The following C2CD3 variants were observed in gnomAD, a reference collection of about 807,000 sequenced individuals.
C2CD3 encodes the protein C2 domain containing 3 centriole elongation regulator.
In C2CD3, 148 loss-of-function variants were observed where a neutral mutation model predicts 234.0. The ratio of observed to expected loss-of-function variants is 0.63; its 90% CI spans 0.55 to 0.72. C2CD3 has a LOEUF of 0.72. Ranked by LOEUF, C2CD3 falls within the 30% of genes least tolerant of loss-of-function variation. C2CD3 has a pLI of 0.00. For missense variants in C2CD3, 2,577 were observed against 2,811.5 expected (o/e 0.92, Z 1.89); for synonymous variants, 1,000 against 1,035.4 (o/e 0.97, Z 0.66).
chr11:74,032,708 A>C (rs1277173132), intron 31 of C2CD3, among the ~76,000 whole-genome samples: 2 of 151,846 alleles, frequency 1.3e-5, no homozygotes, highest in African/African-American at 4.8e-5. Context: ...CCCAACTCTT[A>C]AAAAAAATTA....
At chr11:74,150,780 T>A (rs1298216821) in intron 3 of C2CD3, among the ~76,000 whole-genome samples, 1 of 152,074 alleles carries the variant, frequency 6.6e-6, no homozygotes, top group Non-Finnish European at 1.5e-5. Context: ...TTATCACATT[T>A]AAAAAATTAA....
At chr11:74,026,919 C>T (rs903733821) in intron 32 of C2CD3, among the ~76,000 whole-genome samples, 55 of 137,544 alleles carry the variant, frequency 4.0e-4, no homozygotes, top group African/African-American at 1.5e-3. Context: ...TGCAGTGAGC[C>T]GAGATCACAC....
At chr11:74,165,984 C>T (rs1040022554) in intron 2 of C2CD3, among the ~76,000 whole-genome samples, 1 of 152,214 alleles carries the variant, frequency 6.6e-6, no homozygotes, top group Non-Finnish European at 1.5e-5. Flanking sequence ...TGAGCCACCA[C>T]GTTCAGCCTC....
intron 29 of C2CD3, among the ~76,000 whole-genome samples, chr11:74,039,487 A>G (rs958365360): frequency 2.0e-5 from 3 of 152,210 alleles, no homozygotes; most frequent in Non-Finnish European, 2.9e-5. Context: ...TTAGAAATGC[A>G]GAGTCTCAGG....
Position 74,092,468 on chromosome 11 carries a change from G to C in C2CD3, c.3465C>G (p.Leu1155=), listed in dbSNP as rs751806200. 7.4e-6 allele frequency: 12 copies of C among 1,613,742 alleles called. No individual in the cohort carries two copies. The African/African-American group carries it at 1.2e-4, about 16-fold the overall frequency. Residue 1155 remains leucine, a synonymous_variant, in exon 19 of 33, where the codon CTC becomes CTG. Transcript: ENST00000334126. The part of the protein sequence containing the change: ...REDVGIQTFN[L]PLTPRIENRK... ...TGTTCTCAATCCTGGGGGTTAAAGG[G>C]AGATTAAAGGTCTGTATTCCCACAT...
At chr11:74,101,168 A>T (rs999788126) in intron 14 of C2CD3, among the ~76,000 whole-genome samples, 2 of 152,264 alleles carry the variant, frequency 1.3e-5, no homozygotes, top group African/African-American at 4.8e-5. Flanking sequence ...GTCACAGTAA[A>T]GAGCAAAGCC....
chr11:74,137,347 G>A (rs1460774702), intron 5 of C2CD3, among the ~76,000 whole-genome samples: 1 of 151,892 alleles, frequency 6.6e-6, no homozygotes, highest in Non-Finnish European at 1.5e-5. Flanking sequence ...ATACCTAGAA[G>A]AGCGCCAGAC....
chr11:74,096,967 T>G (rs1330719327), intron 16 of C2CD3, among the ~76,000 whole-genome samples: 1 of 151,970 alleles, frequency 6.6e-6, no homozygotes, highest in African/African-American at 2.4e-5. Context: ...CTGGGCAATA[T>G]GGTGAAATCC....
chr11:74,051,608 C>T (rs1953693929), intron 26 of C2CD3, among the ~76,000 whole-genome samples: 1 of 152,206 alleles, frequency 6.6e-6, no homozygotes, highest in Non-Finnish European at 1.5e-5. Flanking sequence ...TCTTTCTTGA[C>T]TTGAAACTTT....
chr11:74,053,854 A>G (rs1010228663), intron 26 of C2CD3, among the ~76,000 whole-genome samples: 2 of 152,302 alleles, frequency 1.3e-5, no homozygotes, highest in African/African-American at 4.8e-5. Context: ...ATGGTGGCTC[A>G]TGCCTGTAGT....
Position 74,042,127 on chromosome 11 carries a change from C to A in C2CD3, c.5587G>T (p.Ala1863Ser). ...AGTTTGTCATCACATGGCAAGGGTG[C>A]CTCTCCCTGAAGATGCAGGGATTCA... Reference protein sequence around the residue: ...FHESLHLQGEAPLPCDDKLTT... With the variant: ...FHESLHLQGESPLPCDDKLTT... Residue 1863 changes from alanine (A) to serine (S), a missense_variant, in exon 29 of 33, where the codon GCA becomes TCA. Ala to Ser is a moderately conservative substitution (Grantham distance 99). Coordinates refer to ENST00000334126, the MANE Select transcript of C2CD3 (RefSeq NM_001286577.2). The A allele has an allele frequency of 6.2e-7, 1 of 1,613,728 alleles. No individual in the cohort carries two copies. The highest frequency in any genetic ancestry group is 8.5e-7 in the Non-Finnish European group (1 of 1,179,932).
intron 7 of C2CD3, among the ~76,000 whole-genome samples, chr11:74,130,226 C>T (rs1957614756): frequency 2.3e-5 from 3 of 128,966 alleles, no homozygotes; most frequent in African/African-American, 8.6e-5. Flanking sequence ...AAGGGTCCAA[C>T]TTTTTTTTTT....
At chr11:74,100,865 C>A (rs1956289116) in intron 14 of C2CD3, among the ~76,000 whole-genome samples, 189 bp from the exon 15 acceptor site, 2 of 152,156 alleles carry the variant, frequency 1.3e-5, no homozygotes, top group African/African-American at 2.4e-5. Flanking sequence ...GAGACTAACA[C>A]ATAAAGGCCA....
At chr11:74,024,171 T>C (rs1037979752) in intron 32 of C2CD3, among the ~76,000 whole-genome samples, 2 of 152,222 alleles carry the variant, frequency 1.3e-5, no homozygotes, top group African/African-American at 4.8e-5. Flanking sequence ...ATAAAGGTCA[T>C]GTTACATCCA....
intron 3 of C2CD3, among the ~76,000 whole-genome samples, chr11:74,146,710 C>CCA (rs141560536): frequency 0.053 from 4,544 of 84,954 alleles, 119 homozygotes; most frequent in East Asian, 0.18. Flanking sequence ...AAAAGTCAAA[C>CCA]CACACACACA....
intron 29 of C2CD3, among the ~76,000 whole-genome samples, chr11:74,041,640 A>G (rs1168300733): frequency 4.6e-5 from 7 of 152,198 alleles, no homozygotes; most frequent in African/African-American, 1.7e-4. Flanking sequence ...TAGCTGATCT[A>G]TCATCACCCT....
intron 32 of C2CD3, among the ~76,000 whole-genome samples, chr11:74,024,996 T>C (rs759777129): frequency 6.6e-6 from 1 of 152,016 alleles, no homozygotes; most frequent in Non-Finnish European, 1.5e-5. Context: ...CAGCAAACAA[T>C]GGAATGTTGT....
At chr11:74,167,675 T>A (rs897264687) in intron 2 of C2CD3, among the ~76,000 whole-genome samples, 7 of 152,214 alleles carry the variant, frequency 4.6e-5, no homozygotes, top group Non-Finnish European at 8.8e-5. Context: ...ATTGACTTGA[T>A]AAATAACCCC....
rs78861636 is a variant in C2CD3, at chr11:74,100,898, G to C, written c.2581-222C>G. On this transcript the variant is annotated intron_variant, in intron 14 of 32. Coordinates refer to ENST00000334126, the MANE Select transcript of C2CD3 (RefSeq NM_001286577.2). Reference sequence around the variant, plus strand: ...CCAGATACAAAACAGTGAGTTCTCTGATGACAAAGCTCATACAGGTGGAGC... The same window carrying C: ...CCAGATACAAAACAGTGAGTTCTCTCATGACAAAGCTCATACAGGTGGAGC... Among the ~76,000 whole-genome samples, 509 of 152,284 alleles carry C rather than the reference G, an allele frequency of 3.3e-3. 1 individual carries two copies. The highest frequency in any genetic ancestry group is 0.012 in the African/African-American group (480 of 41,570).
Sources: allele counts gnomAD v4.1 joint callset (sites outside exome capture counted in the v4.1 genomes callset), GRCh38; gene constraint gnomAD v4.1.1; transcripts MANE v1.5; gene names NCBI Gene and HGNC (gene_info 2026-07-23, HGNC 2026-07-21).